VPS13B: variants seen among roughly 807,000 people sequenced by gnomAD.
The protein encoded by VPS13B is vacuolar protein sorting 13 homolog B.
Under a neutral mutation model 426.4 loss-of-function variants are expected in VPS13B, and 285 were observed. That is an observed-to-expected ratio of 0.67 (90% CI 0.61 to 0.74). The LOEUF (loss-of-function observed/expected upper bound fraction) is 0.74. Among genes scored for constraint, VPS13B ranks in the 30% least tolerant of loss-of-function variants. The pLI, the probability that VPS13B is intolerant of heterozygous loss-of-function variation, is 0.00. For missense variants in VPS13B, 4,537 were observed against 4,782.6 expected, an observed-to-expected ratio of 0.95 and a Z score of 1.51; for synonymous variants, 1,676 against 1,676.4, an observed-to-expected ratio of 1.00 and a Z score of 0.01.
At chr8:99,052,567 C>T (rs1843614786) in intron 3 of VPS13B, among the ~76,000 whole-genome samples, 1 of 137,966 alleles carries the variant, frequency 7.2e-6, no homozygotes. Context: ...GGGAGGGTTC[C>T]CTCTTTTTCT....
chr8:99,020,532 T>G (rs1377591315), intron 2 of VPS13B, among the ~76,000 whole-genome samples: 2 of 152,254 alleles, frequency 1.3e-5, no homozygotes, highest in Non-Finnish European at 2.9e-5. Flanking sequence ...TCTGGATTTT[T>G]GCTGTCATAT....
At position 99,700,989 on chromosome 8, in the gene VPS13B, TA is replaced by T. The variant is rs753942018; in HGVS notation, c.6454+1060del. Reference sequence around the variant, plus strand: ...ACTTAGTTGCTTATCAAAAAGTAATTAAATTGCAGCTGTAGACTTACTGTAA... The same window carrying T: ...ACTTAGTTGCTTATCAAAAAGTAATTAATTGCAGCTGTAGACTTACTGTAA... On this transcript the variant is annotated intron_variant, in intron 36 of 61. Coordinates refer to ENST00000357162, the MANE Select transcript of VPS13B (RefSeq NM_152564.5). 3.6e-3 allele frequency among the ~76,000 whole-genome samples: 541 copies of T among 152,232 alleles called. 3 individuals carry two copies. Among genetic ancestry groups the T allele is most frequent in the Non-Finnish European group, 5.4e-3 (366 of 68,006 alleles).
rs112045467 is a variant in VPS13B, at chr8:99,853,624, C to T, written c.10235C>T (p.Ala3412Val). 4.7e-4 allele frequency: 766 copies of T among 1,614,168 alleles called. 3 individuals carry two copies. In the African/African-American group the frequency reaches 8.5e-3, roughly 18 times the overall value. The change falls in exon 56 of 62, where the codon GCT (alanine) becomes GTT (valine). Residue 3412 changes from alanine to valine, a missense_variant. Around this residue, in one of 2 missense-constraint regions of VPS13B, gnomAD observed 4,311 missense variants for 4,474.3 expected, o/e 0.96. Transcript: ENST00000357162. ...AGPLPGEEPVAALFELYCVEI... is the reference protein window; with the variant it reads ...AGPLPGEEPVVALFELYCVEI... The stretch of plus-strand genomic sequence containing the variant: ...CCCCTCCCTGGGGAAGAGCCTGTGG[C>T]TGCGTTGTTTGAACTTTACTGTGTG...
chr8:99,870,646 A>G (rs1817349595), intron 59 of VPS13B, 139 bp from the exon 60 acceptor site: 11 of 740,856 alleles, frequency 1.5e-5, no homozygotes, highest in South Asian at 1.4e-4. Flanking sequence ...ATGATTATCT[A>G]TACGCTTGCT....
Position 99,192,964 on chromosome 8 carries a change from T to C in VPS13B, c.2422T>C (p.Leu808=). The C allele has an allele frequency of 6.2e-7, 1 of 1,613,674 alleles. No individual in the cohort carries two copies. The highest frequency in any genetic ancestry group is 8.5e-7 in the Non-Finnish European group (1 of 1,179,782). Residue 808 remains leucine (L), a synonymous_variant, in exon 17 of 62, where the codon TTG becomes CTG. Transcript: ENST00000357162. ...AGCTACAAGAGCACAGACACTTCTCTTGCAAGCAATATATCAAAGTTGGTC... is the reference window on the plus strand; with the variant it reads ...AGCTACAAGAGCACAGACACTTCTCCTGCAAGCAATATATCAAAGTTGGTC... ...IQATRAQTLL[L]QAIYQSWSHL... is the part of the protein sequence containing the mutation.
intron 61 of VPS13B, chr8:99,873,291 T>C (rs934123906): frequency 1.6e-4 from 24 of 152,264 alleles, no homozygotes; most frequent in Admixed American, 1.4e-3. Context: ...AGAATCATCA[T>C]AGCTGGAAGG....
intron 55 of VPS13B, among the ~76,000 whole-genome samples, chr8:99,849,228 C>G (rs1816134253): frequency 1.3e-5 from 2 of 152,190 alleles, no homozygotes; most frequent in Non-Finnish European, 2.9e-5. Context: ...AATAATAAAA[C>G]TTAGCAATTA....
At chr8:99,343,341 C>T (rs1811357765) in intron 19 of VPS13B, among the ~76,000 whole-genome samples, 1 of 152,162 alleles carries the variant, frequency 6.6e-6, no homozygotes, top group South Asian at 2.1e-4. Context: ...ATCCACCCAC[C>T]TCGGCCTCCC....
chr8:99,603,300 C>A (rs1827411271), intron 33 of VPS13B, among the ~76,000 whole-genome samples: 1 of 152,186 alleles, frequency 6.6e-6, no homozygotes, highest in Non-Finnish European at 1.5e-5. Context: ...CCAAGACCCC[C>A]AGTGGATGCC....
chr8:99,031,743 G>C (rs1043471277), intron 2 of VPS13B, among the ~76,000 whole-genome samples: 12 of 152,258 alleles, frequency 7.9e-5, no homozygotes, highest in African/African-American at 2.9e-4. Context: ...TTTGCTTGGG[G>C]TGAGGAATGC....
At chr8:99,752,332 C>G (rs1431647307) in intron 39 of VPS13B, among the ~76,000 whole-genome samples, 1 of 152,216 alleles carries the variant, frequency 6.6e-6, no homozygotes, top group African/African-American at 2.4e-5. Context: ...TCTGTAAGGG[C>G]ATTGCTTTTC....
chr8:99,699,603 T>A lies in VPS13B; in HGVS notation c.6125T>A (p.Leu2042Ter), dbSNP rs371364257. Residue 2042 changes from leucine (L) to a stop codon, truncating the protein, a stop_gained, in exon 36 of 62, where the codon TTA (leucine) becomes TAA (stop). Transcript: ENST00000357162. LOFTEE classifies it high-confidence loss of function. Reference sequence around the variant, plus strand: ...AAACTGGATCAGATAAACCTTTTTTTAAAGAAGATAAAAAATGCACACAGT... The same window carrying A: ...AAACTGGATCAGATAAACCTTTTTTAAAAGAAGATAAAAAATGCACACAGT... ...FTKLDQINLF[L>*]KKIKNAHSLA... 54 of 1,614,128 alleles carry A rather than the reference T, an allele frequency of 3.3e-5. No homozygotes were observed. The highest frequency in any genetic ancestry group is 4.5e-5 in the Non-Finnish European group (53 of 1,180,016).
At chr8:99,116,008 GT>G in intron 7 of VPS13B, 134 bp downstream of exon 7, 1 of 941,258 alleles carries the variant, frequency 1.1e-6, no homozygotes, top group Non-Finnish European at 1.6e-6. Flanking sequence ...TTTTTTGGTT[GT>G]TTTACACTAT....
chr8:99,638,107 T>G (rs368608736), intron 33 of VPS13B, among the ~76,000 whole-genome samples: 1 of 152,120 alleles, frequency 6.6e-6, no homozygotes, highest in East Asian at 1.9e-4. Flanking sequence ...AAATGAAACT[T>G]ATTTTGATAA....
intron 17 of VPS13B, among the ~76,000 whole-genome samples, chr8:99,202,093 A>G (rs891972825): frequency 6.6e-6 from 1 of 152,238 alleles, no homozygotes. Context: ...GTTCTAGGAT[A>G]TAAAGTTCTT....
intron 43 of VPS13B, among the ~76,000 whole-genome samples, chr8:99,797,303 G>A (rs1460082362): frequency 2.0e-5 from 3 of 151,384 alleles, no homozygotes; most frequent in African/African-American, 4.9e-5. Context: ...GCAGTGGCAC[G>A]TCCACAGCTC....
chr8:99,075,318 T>C (rs925967966), intron 3 of VPS13B, among the ~76,000 whole-genome samples: 1 of 152,156 alleles, frequency 6.6e-6, no homozygotes, highest in Non-Finnish European at 1.5e-5. Context: ...GAGCTTTTAC[T>C]CATAGCAGAA....
intron 51 of VPS13B, among the ~76,000 whole-genome samples, 183 bp from the exon 52 acceptor site, chr8:99,832,186 C>T (rs1343408129): frequency 1.3e-5 from 2 of 150,840 alleles, no homozygotes; most frequent in African/African-American, 4.9e-5. Context: ...TGCTTGAACC[C>T]AGGAGGCAGA....
chr8:99,183,752 A>T (rs1022813680), intron 16 of VPS13B, among the ~76,000 whole-genome samples: 4 of 152,328 alleles, frequency 2.6e-5, no homozygotes, highest in Admixed American at 1.3e-4. Context: ...ATTCATTTTT[A>T]AAAAATGACT....
Sources: allele counts gnomAD v4.1 joint callset (sites outside exome capture counted in the v4.1 genomes callset), GRCh38; gene constraint gnomAD v4.1.1; regional missense constraint gnomAD v4.1.1; transcripts MANE v1.5; gene names NCBI Gene and HGNC (gene_info 2026-07-23, HGNC 2026-07-21).